KCTD2: variants seen among roughly 807,000 people sequenced by gnomAD.
The protein encoded by KCTD2 is potassium channel tetramerization domain containing 2.
KCTD2 carries 18 observed loss-of-function variants against 27.9 expected under a neutral mutation model. The observed-to-expected ratio is 0.64, with a 90% confidence interval of 0.45 to 0.96. KCTD2 has a LOEUF of 0.96. KCTD2 is among the 40% of genes least tolerant of loss of function. The pLI is 0.00. For synonymous variants in KCTD2, 175 were observed against 148.4 expected (o/e 1.18, Z -1.30); for missense variants, 280 against 348.0 (o/e 0.80, Z 1.56).
chr17:75,052,704 C>G (rs959081445), intron 2 of KCTD2, among the ~76,000 whole-genome samples: 1 of 152,106 alleles, frequency 6.6e-6, no homozygotes, highest in Non-Finnish European at 1.5e-5. Context: ...ACCTGGGCAA[C>G]AAGAATGAAA....
Position 75,049,300 on chromosome 17 carries a change from C to G in KCTD2, c.420C>G (p.Leu140=). The G allele has an allele frequency of 6.2e-7, 1 of 1,612,794 alleles. No individual in the cohort carries two copies. Among genetic ancestry groups the G allele is most frequent in the Non-Finnish European group, 8.5e-7 (1 of 1,178,752 alleles). ...TCAACTACCTCCGCCACGGGAAACT[C>G]ATCATCACTAAGGAGTTGGCAGAAG... ...PILNYLRHGK[L]IITKELAEEG... Residue 140 remains leucine (L), a synonymous_variant, in exon 2 of 6, where the codon CTC becomes CTG. Coordinates refer to ENST00000322444, the MANE Select transcript of KCTD2 (RefSeq NM_015353.3).
intron 1 of KCTD2, among the ~76,000 whole-genome samples, chr17:75,047,970 C>G (rs990951291): frequency 1.3e-5 from 2 of 152,154 alleles, no homozygotes; most frequent in African/African-American, 4.8e-5. Flanking sequence ...CCAGATGCAT[C>G]CAGAACTGGG....
upstream of KCTD2, among the ~76,000 whole-genome samples, chr17:75,045,823 T>C (rs2073209288): frequency 6.6e-6 from 1 of 152,174 alleles, no homozygotes; most frequent in Non-Finnish European, 1.5e-5. Context: ...GATTAAGAGA[T>C]TAAAGACAAG....
upstream of KCTD2, among the ~76,000 whole-genome samples, chr17:75,043,692 T>A (rs1828807129): frequency 6.6e-6 from 1 of 152,050 alleles, no homozygotes; most frequent in African/African-American, 2.4e-5. Context: ...ATAACACTCT[T>A]ATTGCATAAA....
At position 75,063,741 on chromosome 17, in the gene KCTD2, G is replaced by C. The variant is rs4076115; in HGVS notation, c.*694G>C. On this transcript the variant is annotated 3_prime_UTR_variant, in exon 6 of 6. Coordinates refer to ENST00000322444, the MANE Select transcript of KCTD2 (RefSeq NM_015353.3). ...TTTGCCTCACCTTTCTCCAGCAGCC[G>C]GGACCCTCTGGAGAGCTTGTTTTCC... 1.3e-5 allele frequency: 2 copies of C among 152,450 alleles called. No individual in the cohort carries two copies. The highest frequency in any genetic ancestry group is 3.9e-4 in the East Asian group (2 of 5,178). 9.4% of individuals were successfully genotyped at this position (152,450 alleles called of 1,614,324 possible). A position where few individuals can be genotyped will look rare whatever the true frequency, so the allele number is the denominator to read the frequency against.
rs1567989963 is a variant in KCTD2 at position 75,047,382 on chromosome 17, C to A, written c.132C>A (p.His44Gln). 1 of 1,134,548 alleles carries A rather than the reference C, an allele frequency of 8.8e-7. No individual in the cohort carries two copies. Among genetic ancestry groups the A allele is most frequent in the Non-Finnish European group, 1.1e-6 (1 of 926,944 alleles). The allele number at this position is 1,134,548 out of a possible 1,614,324, so 70.3% of individuals were successfully genotyped here. ...PRPAGPTPRG[H>Q]GRPAAAVAQP... ...CGGCTGGCCCCACGCCCCGCGGGCA[C>A]GGCCGCCCGGCTGCCGCCGTCGCGC... The change falls in exon 1 of 6, where the codon CAC becomes CAA. Residue 44 changes from histidine (H) to glutamine (Q), a missense_variant. His to Gln is a conservative substitution (Grantham distance 24, BLOSUM62 0). Coordinates refer to ENST00000322444, the MANE Select transcript of KCTD2 (RefSeq NM_015353.3).
intron 3 of KCTD2, chr17:75,038,996 G>A (rs1165749961): frequency 6.2e-7 from 1 of 1,613,980 alleles, no homozygotes; most frequent in East Asian, 2.2e-5. Context: ...TTTGGTTTCT[G>A]GGAAAGCTTC....
chr17:75,036,754 C>T (rs1419789441), intron 3 of KCTD2, among the ~76,000 whole-genome samples: 3 of 152,214 alleles, frequency 2.0e-5, no homozygotes, highest in Non-Finnish European at 4.4e-5. Flanking sequence ...AGATCCTCAG[C>T]GGGATGGCTG....
intron 3 of KCTD2, chr17:75,035,367 GC>G (rs2040106650): frequency 6.6e-6 from 1 of 152,074 alleles, no homozygotes; most frequent in African/African-American, 2.4e-5. Context: ...GGTAAGTAGG[GC>G]CCCATTTCTT....
At chr17:75,052,614 T>C (rs1567991870) in intron 2 of KCTD2, among the ~76,000 whole-genome samples, 1 of 152,180 alleles carries the variant, frequency 6.6e-6, no homozygotes, top group Non-Finnish European at 1.5e-5. Context: ...TCCCAGCTAC[T>C]TGGAAGGCTG....
At chr17:75,033,651 C>T (rs985527368) in intron 1 of KCTD2, among the ~76,000 whole-genome samples, 1 of 152,216 alleles carries the variant, frequency 6.6e-6, no homozygotes, top group African/African-American at 2.4e-5. Context: ...ACCCCATGGT[C>T]CGGGTGTCCA....
chr17:75,056,548 A>G (rs1376449010), intron 3 of KCTD2, among the ~76,000 whole-genome samples: 1 of 152,172 alleles, frequency 6.6e-6, no homozygotes, highest in Admixed American at 6.5e-5. Flanking sequence ...TAGATTCTGA[A>G]GGCTTGTGGA....
chr17:75,037,160 C>T (rs1241585542), intron 3 of KCTD2, among the ~76,000 whole-genome samples: 2 of 151,828 alleles, frequency 1.3e-5, no homozygotes, highest in African/African-American at 4.8e-5. Context: ...CTGCCTAACA[C>T]GATGAAACCC....
At chr17:75,036,906 C>T (rs1259100970) in intron 3 of KCTD2, among the ~76,000 whole-genome samples, 1 of 152,140 alleles carries the variant, frequency 6.6e-6, no homozygotes, top group Non-Finnish European at 1.5e-5. Context: ...GAGTAGACTC[C>T]GCCCCTCCGC....
intron 3 of KCTD2, chr17:75,039,288 A>G (rs1219020451): frequency 1.9e-6 from 3 of 1,613,360 alleles, no homozygotes; most frequent in African/African-American, 2.7e-5. Flanking sequence ...GAAGAAAGAG[A>G]AATTCAGTTC....
At chr17:75,034,431 C>CA (rs950567884) in intron 2 of KCTD2, among the ~76,000 whole-genome samples, 1 of 152,208 alleles carries the variant, frequency 6.6e-6, no homozygotes, top group African/African-American at 2.4e-5. Context: ...CCCCTCTCGA[C>CA]ACCCCAGGTG....
chr17:75,061,864 G>A (rs1039270219), intron 4 of KCTD2, among the ~76,000 whole-genome samples: 7 of 143,206 alleles, frequency 4.9e-5, no homozygotes, highest in South Asian at 4.2e-4. Context: ...TGCCGCTGAC[G>A]GGGGGGGACT....
Position 75,049,307 on chromosome 17 carries a change from A to C in KCTD2, c.427A>C (p.Thr143Pro). The part of the protein sequence containing the change: ...NYLRHGKLII[T>P]KELAEEGVLE... Reference sequence around the variant, plus strand: ...CCTCCGCCACGGGAAACTCATCATCACTAAGGAGTTGGCAGAAGAAGGTAA... The same window carrying C: ...CCTCCGCCACGGGAAACTCATCATCCCTAAGGAGTTGGCAGAAGAAGGTAA... Residue 143 changes from threonine (T) to proline (P), a missense_variant, in exon 2 of 6, where the codon ACT becomes CCT. Transcript: ENST00000322444. The C allele has an allele frequency of 6.2e-7, 1 of 1,611,098 alleles. No individual in the cohort carries two copies. The highest frequency in any genetic ancestry group is 8.5e-7 in the Non-Finnish European group (1 of 1,177,278).
At chr17:75,053,149 T>C in intron 3 of KCTD2, 44 bp downstream of exon 3, 4 of 1,467,044 alleles carry the variant, frequency 2.7e-6, no homozygotes, top group Non-Finnish European at 2.9e-6. Context: ...TCAAGTGGGC[T>C]TCTGTCGGTC....
Sources: gnomAD v4.1 joint callset for allele counts (sites outside exome capture counted in the v4.1 genomes callset) on GRCh38, gnomAD v4.1.1 for gene constraint, MANE v1.5 for transcripts, NCBI Gene and HGNC (gene_info 2026-07-23, HGNC 2026-07-21) for gene names.